The following RBPMS variants were observed in gnomAD, a reference collection of about 807,000 sequenced individuals.
RBPMS encodes RNA binding protein, mRNA processing factor, also known as RNA-binding protein with multiple splicing.
In RBPMS, 7 loss-of-function variants were observed where a neutral mutation model predicts 26.8. The ratio of observed to expected loss-of-function variants is 0.26; its 90% CI spans 0.15 to 0.49. RBPMS has a LOEUF of 0.49. Ranked by LOEUF, RBPMS falls within the 20% of genes least tolerant of loss-of-function variation. RBPMS has a pLI of 0.98. For missense variants in RBPMS, 186 were observed against 250.0 expected (o/e 0.74, Z 1.73); for synonymous variants, 96 against 93.3 (o/e 1.03, Z -0.17).
intron 1 of RBPMS, among the ~76,000 whole-genome samples, chr8:30,430,537 T>C (rs1811821584): frequency 1.3e-5 from 2 of 152,230 alleles, no homozygotes; most frequent in Admixed American, 6.5e-5. Context: ...AGTACAAGTA[T>C]ATCAAAGAAC....
chr8:30,530,340 T>C (rs1824077199), intron 5 of RBPMS, among the ~76,000 whole-genome samples: 1 of 152,236 alleles, frequency 6.6e-6, no homozygotes, highest in South Asian at 2.1e-4. Flanking sequence ...TCTATCACAT[T>C]AGTTGTGGGA....
At position 30,549,824 on chromosome 8, in the gene RBPMS, C is replaced by CTT. The variant is rs1243023392; in HGVS notation, c.528+5201_528+5202insTT. 3.3e-4 allele frequency among the ~76,000 whole-genome samples: 42 copies of CTT among 126,196 alleles called. 1 individual carries two copies. The highest frequency in any genetic ancestry group is 9.7e-4 in the Admixed American group (12 of 12,332). The allele number at this position is 126,196 out of a possible 152,430, so 82.8% of individuals were successfully genotyped here. A position where few individuals can be genotyped will look rare whatever the true frequency, so the allele number is the denominator to read the frequency against. On this transcript the variant is annotated intron_variant, in intron 6 of 8. Transcript: ENST00000397323. Reference sequence around the variant, plus strand: ...CTCTCTCCTCTCTCTCTCTCTCTCTCTCTTTTCTTTCTTTTCTTTCTTTTC... The same window carrying CTT: ...CTCTCTCCTCTCTCTCTCTCTCTCTCTTTCTTTTCTTTCTTTTCTTTCTTTTC...
At chr8:30,567,417 C>T (rs1301579693) in intron 8 of RBPMS, among the ~76,000 whole-genome samples, 1 of 152,222 alleles carries the variant, frequency 6.6e-6, no homozygotes, top group Non-Finnish European at 1.5e-5. Flanking sequence ...GTTTCTTGCA[C>T]TAACCCAAGC....
chr8:30,412,447 CTTT>C (rs753987184), intron 1 of RBPMS, among the ~76,000 whole-genome samples: 1 of 143,766 alleles, frequency 7.0e-6, no homozygotes. Flanking sequence ...AATGACACTA[CTTT>C]TTTTTTTTTT....
intron 5 of RBPMS, chr8:30,537,599 G>A (rs1349459025): frequency 4.4e-6 from 2 of 456,170 alleles, no homozygotes; most frequent in African/African-American, 4.0e-5. Flanking sequence ...AATGAACATG[G>A]AGAGAGGCAG....
intron 5 of RBPMS, among the ~76,000 whole-genome samples, chr8:30,524,053 T>A (rs1266950808): frequency 6.6e-6 from 1 of 152,230 alleles, no homozygotes; most frequent in Non-Finnish European, 1.5e-5. Context: ...GTCCTGTAAT[T>A]TCTTAGAGTA....
intron 1 of RBPMS, chr8:30,387,254 A>G (rs575282043): frequency 6.6e-6 from 1 of 152,280 alleles, no homozygotes; most frequent in South Asian, 2.1e-4. Context: ...AACAGTTAAG[A>G]CCGTGAAGAG....
intron 4 of RBPMS, among the ~76,000 whole-genome samples, chr8:30,490,325 T>C (rs1819253237): frequency 6.6e-6 from 1 of 152,188 alleles, no homozygotes; most frequent in Non-Finnish European, 1.5e-5. Context: ...TCCCTTTTAT[T>C]TTATCTTAAT....
intron 1 of RBPMS, chr8:30,442,917 T>C (rs1235669446): frequency 3.9e-5 from 6 of 152,226 alleles, no homozygotes; most frequent in Non-Finnish European, 7.3e-5. Flanking sequence ...ATAGAAAGAC[T>C]TGGCGATAAG....
In RBPMS at chr8:30,571,916, A is replaced by ATGAT. The variant is rs1229291101; in HGVS notation, c.*1393_*1396dup. On this transcript the variant is annotated 3_prime_UTR_variant, in exon 9 of 9. Transcript: ENST00000397323. ...GGCTTATGTTGAAAATTTCAATGTC[A>ATGAT]TGATTACCTGGTTGGTTTGGGTTTT... The ATGAT allele has an allele frequency of 3.3e-5, 5 of 152,304 alleles. No homozygotes were observed. The East Asian group carries it at 7.7e-4, about 23-fold the overall frequency. The allele number at this position is 152,304 out of a possible 1,614,324, so 9.4% of individuals were successfully genotyped here. A position where few individuals can be genotyped will look rare whatever the true frequency, so the allele number is the denominator to read the frequency against.
intron 7 of RBPMS, chr8:30,561,859 A>G (rs1193408741): frequency 2.0e-6 from 2 of 985,184 alleles, no homozygotes; most frequent in Admixed American, 6.2e-5. Flanking sequence ...TCCATTGTGA[A>G]GCAGTTGCGT....
intron 1 of RBPMS, among the ~76,000 whole-genome samples, chr8:30,419,450 A>ATTGTGTGTGTG (rs1554509328): frequency 5.4e-4 from 78 of 143,282 alleles, no homozygotes; most frequent in Admixed American, 1.8e-3. Flanking sequence ...CATCTCAAAA[A>ATTGTGTGTGTG]TGTGTGTGTG....
intron 4 of RBPMS, among the ~76,000 whole-genome samples, chr8:30,502,515 C>A (rs1359361462): frequency 6.6e-6 from 1 of 152,198 alleles, no homozygotes; most frequent in African/African-American, 2.4e-5. Context: ...TGCTTCTTCA[C>A]AGGAAGGTTG....
At chr8:30,418,363 A>T (rs1373298006) in intron 1 of RBPMS, among the ~76,000 whole-genome samples, 2 of 152,180 alleles carry the variant, frequency 1.3e-5, no homozygotes, top group African/African-American at 4.8e-5. Flanking sequence ...ACGCAGGTGC[A>T]CACCGCCTGG....
chr8:30,505,943 C>T (rs764336969), intron 5 of RBPMS, among the ~76,000 whole-genome samples: 2 of 152,104 alleles, frequency 1.3e-5, no homozygotes, highest in Non-Finnish European at 2.9e-5. Context: ...TTGCCAGCCT[C>T]AGATCTCAGA....
chr8:30,478,585 C>T (rs978807720), intron 3 of RBPMS, among the ~76,000 whole-genome samples: 5 of 150,624 alleles, frequency 3.3e-5, no homozygotes, highest in Non-Finnish European at 5.9e-5. Context: ...CTGCAACCTC[C>T]GCCTCCCAGG....
At chr8:30,472,993 G>A (rs1382462754) in intron 1 of RBPMS, among the ~76,000 whole-genome samples, 2 of 152,170 alleles carry the variant, frequency 1.3e-5, no homozygotes, top group Non-Finnish European at 2.9e-5. Flanking sequence ...AATCTTTCAT[G>A]TATATATTCA....
intron 6 of RBPMS, among the ~76,000 whole-genome samples, chr8:30,551,640 C>A (rs2151068863): frequency 1.3e-5 from 2 of 152,278 alleles, no homozygotes; most frequent in Non-Finnish European, 2.9e-5. Flanking sequence ...ACCCTGAGTC[C>A]CAACAAGTCG....
chr8:30,548,133 C>T (rs187906650), intron 6 of RBPMS, among the ~76,000 whole-genome samples: 1 of 152,310 alleles, frequency 6.6e-6, no homozygotes, highest in East Asian at 1.9e-4. Context: ...TAAAAGTGAT[C>T]ATCCAGTTTA....
Sources: gnomAD v4.1 joint callset for allele counts (sites outside exome capture counted in the v4.1 genomes callset) on GRCh38, gnomAD v4.1.1 for gene constraint, MANE v1.5 for transcripts, NCBI Gene and HGNC (gene_info 2026-07-23, HGNC 2026-07-21) for gene names.